ST8SIA6: variants seen among roughly 807,000 people sequenced by gnomAD.
ST8SIA6 encodes the protein ST8 alpha-N-acetyl-neuraminide alpha-2,8-sialyltransferase 6.
A neutral mutation model predicts 33.6 loss-of-function variants in ST8SIA6; 39 were observed. The observed-to-expected ratio is 1.16, with a 90% CI of 0.90 to 1.52. ST8SIA6 has a LOEUF of 1.52. ST8SIA6 is among the 40% of genes most tolerant of loss of function. ST8SIA6 has a pLI of 0.00. For synonymous variants in ST8SIA6, 172 were observed against 167.2 expected, an observed-to-expected ratio of 1.03 and a Z score of -0.22; for missense variants, 441 against 443.8, an observed-to-expected ratio of 0.99 and a Z score of 0.06.
chr10:17,359,535 G>T lies in ST8SIA6; in HGVS notation c.356C>A (p.Ala119Glu). Reference sequence around the variant, plus strand: ...TTACCTAAAATTTGCATATTCTTCTGCTTGCCGTTTCCATGGACAACTCTG... The same window carrying T: ...TTACCTAAAATTTGCATATTCTTCTTCTTGCCGTTTCCATGGACAACTCTG... ...DIQSCPWKRQ[A>E]EEYANFRAKL... The change falls in exon 4 of 8, where the codon GCA becomes GAA. Residue 119 changes from alanine (A) to glutamate (E), a missense_variant. Physicochemically the swap from Ala to Glu is moderately radical, Grantham distance 107. Coordinates refer to ENST00000377602, the MANE Select transcript of ST8SIA6 (RefSeq NM_001004470.3). 1 of 1,604,246 alleles carries T rather than the reference G, an allele frequency of 6.2e-7. No individual in the cohort carries two copies. The highest frequency in any genetic ancestry group is 8.5e-7 in the Non-Finnish European group (1 of 1,175,994).
intron 4 of ST8SIA6, among the ~76,000 whole-genome samples, chr10:17,350,133 C>T (rs543873120): frequency 6.6e-6 from 1 of 152,108 alleles, no homozygotes; most frequent in East Asian, 1.9e-4. Flanking sequence ...GGCCAAAGTC[C>T]GTAGTCCCTC....
chr10:17,432,526 G>A (rs1293098740), intron 2 of ST8SIA6, among the ~76,000 whole-genome samples: 1 of 152,156 alleles, frequency 6.6e-6, no homozygotes, highest in Non-Finnish European at 1.5e-5. Flanking sequence ...CTAAAAACAT[G>A]CTAGCAGGAA....
chr10:17,436,558 T>C (rs1222122193), intron 2 of ST8SIA6, among the ~76,000 whole-genome samples: 1 of 131,806 alleles, frequency 7.6e-6, no homozygotes, highest in Non-Finnish European at 1.6e-5. Flanking sequence ...GTGTGTGATG[T>C]TCCCCATCCT....
At chr10:17,400,918 A>G (rs1851014791) in intron 2 of ST8SIA6, among the ~76,000 whole-genome samples, 1 of 152,192 alleles carries the variant, frequency 6.6e-6, no homozygotes. Flanking sequence ...AAGTGTTGGA[A>G]GTTCTGCCCA....
chr10:17,445,857 A>G (rs1361856147), intron 2 of ST8SIA6, among the ~76,000 whole-genome samples: 1 of 152,094 alleles, frequency 6.6e-6, no homozygotes, highest in Non-Finnish European at 1.5e-5. Flanking sequence ...GGGTTATTAG[A>G]TGACATTTGT....
At chr10:17,413,351 T>TA (rs1311879110) in intron 2 of ST8SIA6, 1 of 152,122 alleles carries the variant, frequency 6.6e-6, no homozygotes, top group Non-Finnish European at 1.5e-5. Flanking sequence ...CTTTATTAGA[T>TA]ACAGTCGAAT....
chr10:17,416,107 C>T (rs535888392), intron 2 of ST8SIA6, among the ~76,000 whole-genome samples: 3 of 152,146 alleles, frequency 2.0e-5, no homozygotes, highest in East Asian at 1.9e-4. Context: ...TGTACTGGGC[C>T]GCACTTATCT....
intron 3 of ST8SIA6, among the ~76,000 whole-genome samples, chr10:17,372,441 T>A (rs1175137747): frequency 2.0e-5 from 3 of 152,214 alleles, no homozygotes; most frequent in Non-Finnish European, 4.4e-5. Context: ...TAGTTAGAAT[T>A]TTATCCAAAT....
At chr10:17,378,228 A>G (rs1337509597) in intron 3 of ST8SIA6, among the ~76,000 whole-genome samples, 1 of 152,230 alleles carries the variant, frequency 6.6e-6, no homozygotes, top group African/African-American at 2.4e-5. Flanking sequence ...GTTGATGCAC[A>G]TCAAAGAGTT....
chr10:17,440,253 C>T (rs1033094262), intron 2 of ST8SIA6, among the ~76,000 whole-genome samples: 7 of 148,404 alleles, frequency 4.7e-5, no homozygotes, highest in African/African-American at 1.5e-4. Context: ...GTCACTCAGG[C>T]TGGAGTGCAG....
chr10:17,417,320 G>C (rs1274479838), intron 2 of ST8SIA6, among the ~76,000 whole-genome samples: 1 of 152,058 alleles, frequency 6.6e-6, no homozygotes, highest in Non-Finnish European at 1.5e-5. Flanking sequence ...ATTTCAACAT[G>C]AGATTTGGAG....
Position 17,320,807 on chromosome 10 carries a change from T to G in ST8SIA6, c.*71A>C. On this transcript the variant is annotated 3_prime_UTR_variant, in exon 8 of 8. Coordinates refer to ENST00000377602, the MANE Select transcript of ST8SIA6 (RefSeq NM_001004470.3). ...TCAAAATACTCTTTAGCCACCTCCT[T>G]TGGTGTTTGGAGACATTGTTAATCA... 6.6e-7 allele frequency: 1 copy of G among 1,507,014 alleles called. No individual in the cohort carries two copies. The highest frequency in any genetic ancestry group is 1.2e-5 in the South Asian group (1 of 80,698). The allele number at this position is 1,507,014 out of a possible 1,614,324, so 93.4% of individuals were successfully genotyped here. A position where few individuals can be genotyped will look rare whatever the true frequency, so the allele number is the denominator to read the frequency against.
At chr10:17,376,186 A>G (rs533117359) in intron 3 of ST8SIA6, among the ~76,000 whole-genome samples, 1 of 152,328 alleles carries the variant, frequency 6.6e-6, no homozygotes, top group Admixed American at 6.5e-5. Flanking sequence ...TGCGTGCAGT[A>G]TCCGCTTTCT....
At chr10:17,395,791 G>T (rs182709553) in intron 2 of ST8SIA6, among the ~76,000 whole-genome samples, 1 of 152,258 alleles carries the variant, frequency 6.6e-6, no homozygotes, top group East Asian at 1.9e-4. Context: ...GCTGAGGCAG[G>T]AGAATTGCTT....
intron 3 of ST8SIA6, among the ~76,000 whole-genome samples, chr10:17,366,756 C>T (rs749679121): frequency 2.0e-5 from 3 of 152,052 alleles, no homozygotes; most frequent in Non-Finnish European, 4.4e-5. Flanking sequence ...GTAGAAGATG[C>T]AGTCATCCCT....
intron 2 of ST8SIA6, among the ~76,000 whole-genome samples, chr10:17,400,464 G>A (rs550377359): frequency 5.4e-4 from 82 of 152,222 alleles, no homozygotes; most frequent in African/African-American, 1.9e-3. Context: ...CCTAGGAGGC[G>A]GAGTTTGCAG....
At chr10:17,338,215 G>T (rs1266889742) in intron 4 of ST8SIA6, among the ~76,000 whole-genome samples, 1 of 152,038 alleles carries the variant, frequency 6.6e-6, no homozygotes, top group East Asian at 1.9e-4. Context: ...TGTATTTTTA[G>T]TAGAGAAGGA....
At chr10:17,393,936 G>A (rs918532296) in intron 2 of ST8SIA6, among the ~76,000 whole-genome samples, 1 of 152,084 alleles carries the variant, frequency 6.6e-6, no homozygotes, top group Non-Finnish European at 1.5e-5. Flanking sequence ...ATCACCTTCT[G>A]TGCTTTCTGA....
At chr10:17,357,407 A>G (rs1020814673) in intron 4 of ST8SIA6, among the ~76,000 whole-genome samples, 7 of 151,080 alleles carry the variant, frequency 4.6e-5, no homozygotes, top group Non-Finnish European at 7.4e-5. Context: ...AAGTGCTGGG[A>G]TTACAGGCGT....
Sources: gnomAD v4.1 joint callset for allele counts (sites outside exome capture counted in the v4.1 genomes callset) on GRCh38, gnomAD v4.1.1 for gene constraint, MANE v1.5 for transcripts, NCBI Gene and HGNC (gene_info 2026-07-23, HGNC 2026-07-21) for gene names.